Variants in SHISA9 observed in about 807,000 individuals in gnomAD.
The protein encoded by SHISA9 is shisa family member 9, also known as protein shisa-9.
In SHISA9, 13 loss-of-function variants were observed where a neutral mutation model predicts 38.0. The observed-to-expected ratio is 0.34, with a 90% confidence interval of 0.22 to 0.54. The LOEUF (loss-of-function observed/expected upper bound fraction) is 0.54. SHISA9 is among the 20% of genes least tolerant of loss of function. SHISA9 has a pLI of 0.91. For synonymous variants in SHISA9, 275 were observed against 242.0 expected, an observed-to-expected ratio of 1.14 and a Z score of -1.27; for missense variants, 538 against 575.8, an observed-to-expected ratio of 0.93 and a Z score of 0.67.
At chr16:13,022,363 C>G (rs1029498994) in intron 2 of SHISA9, among the ~76,000 whole-genome samples, 6 of 151,274 alleles carry the variant, frequency 4.0e-5, no homozygotes, top group Non-Finnish European at 8.8e-5. Flanking sequence ...CAGAGTTTCG[C>G]TCTTGTTGCC....
chr16:12,940,258 A>C (rs1186583137), intron 2 of SHISA9, among the ~76,000 whole-genome samples: 1 of 152,140 alleles, frequency 6.6e-6, no homozygotes, highest in Non-Finnish European at 1.5e-5. Flanking sequence ...TCCCTCTTCT[A>C]ACAGCTTATC....
the SHISA9 span, among the ~76,000 whole-genome samples, chr16:13,513,834 T>A: frequency 6.6e-6 from 1 of 152,106 alleles, no homozygotes; most frequent in East Asian, 1.9e-4. Context: ...CAGGGCCTGT[T>A]GTGGCAAAGG....
the SHISA9 span, among the ~76,000 whole-genome samples, chr16:13,414,824 G>C: frequency 4.9e-4 from 74 of 151,842 alleles, no homozygotes; most frequent in African/African-American, 1.4e-3. Flanking sequence ...GTAGAGACAG[G>C]GTTTCACCAT....
intron 2 of SHISA9, among the ~76,000 whole-genome samples, chr16:13,171,022 C>G (rs533966365): frequency 6.6e-6 from 1 of 152,354 alleles, no homozygotes; most frequent in African/African-American, 2.4e-5. Context: ...ATTCACCCTT[C>G]TGCAGGCTGT....
chr16:12,969,787 T>C (rs543201975), intron 2 of SHISA9, among the ~76,000 whole-genome samples: 14 of 152,202 alleles, frequency 9.2e-5, no homozygotes, highest in African/African-American at 3.4e-4. Context: ...CAGTGTGAAG[T>C]GTACACTGGA....
intron 2 of SHISA9, among the ~76,000 whole-genome samples, chr16:13,037,559 A>G (rs2073089564): frequency 6.6e-6 from 1 of 151,478 alleles, no homozygotes; most frequent in Admixed American, 6.6e-5. Context: ...GCAGAGATGA[A>G]CTCTTCTTTG....
chr16:12,966,099 C>A (rs150775563), intron 2 of SHISA9, among the ~76,000 whole-genome samples: 2 of 152,302 alleles, frequency 1.3e-5, no homozygotes, highest in East Asian at 3.9e-4. Flanking sequence ...ATTAGCATTT[C>A]CCAAGTTGTA....
chr16:13,279,255 C>A, the SHISA9 span, among the ~76,000 whole-genome samples: 1 of 151,768 alleles, frequency 6.6e-6, no homozygotes, highest in African/African-American at 2.4e-5. Context: ...TCTGAGAGAG[C>A]GCTTGACATA....
At chr16:13,562,958 C>T in the SHISA9 span, 1 of 151,948 alleles carries the variant, frequency 6.6e-6, no homozygotes, top group Non-Finnish European at 1.5e-5. Flanking sequence ...CTCTGCAGAA[C>T]ACTCGTTTGG....
At chr16:13,138,170 T>A (rs1047159723) in intron 2 of SHISA9, among the ~76,000 whole-genome samples, 1 of 152,178 alleles carries the variant, frequency 6.6e-6, no homozygotes, top group Non-Finnish European at 1.5e-5. Context: ...CTACCTGTGT[T>A]CTGTGGACTA....
At chr16:13,510,977 C>G in the SHISA9 span, among the ~76,000 whole-genome samples, 2 of 152,080 alleles carry the variant, frequency 1.3e-5, no homozygotes, top group African/African-American at 4.8e-5. Flanking sequence ...CTGCTTAGGC[C>G]GATTACCATT....
intron 4 of SHISA9, among the ~76,000 whole-genome samples, chr16:13,215,175 G>T (rs2051156661): frequency 6.6e-6 from 1 of 152,168 alleles, no homozygotes; most frequent in African/African-American, 2.4e-5. Flanking sequence ...GAGACCAATG[G>T]TTCTCACGTT....
chr16:13,406,324 C>T, the SHISA9 span, among the ~76,000 whole-genome samples: 4 of 152,148 alleles, frequency 2.6e-5, no homozygotes, highest in Admixed American at 6.5e-5. Flanking sequence ...AGAATCAGTG[C>T]CAATGTTACT....
chr16:12,995,363 T>A (rs551398901), intron 2 of SHISA9, among the ~76,000 whole-genome samples: 1 of 152,350 alleles, frequency 6.6e-6, no homozygotes, highest in South Asian at 2.1e-4. Context: ...TTCTTGAACT[T>A]TAATGTGATT....
At chr16:13,230,820 T>C (rs2051324816) in intron 4 of SHISA9, among the ~76,000 whole-genome samples, 1 of 152,180 alleles carries the variant, frequency 6.6e-6, no homozygotes, top group Non-Finnish European at 1.5e-5. Context: ...AAGGGGTGGA[T>C]TATTTATGCC....
chr16:13,113,462 A>G (rs1246171166), intron 2 of SHISA9, among the ~76,000 whole-genome samples: 1 of 152,138 alleles, frequency 6.6e-6, no homozygotes, highest in African/African-American at 2.4e-5. Flanking sequence ...TGATCTGTAT[A>G]TCCCGTGATC....
intron 2 of SHISA9, among the ~76,000 whole-genome samples, chr16:13,093,245 G>C (rs1449560380): frequency 2.0e-5 from 3 of 152,144 alleles, no homozygotes; most frequent in Middle Eastern, 3.2e-3. Flanking sequence ...ACTTAGATGA[G>C]AGAAACTTCT....
intron 2 of SHISA9, 80 bp downstream of exon 2, chr16:12,916,895 T>G (rs1238114609): frequency 1.4e-5 from 20 of 1,473,676 alleles, no homozygotes; most frequent in Non-Finnish European, 1.8e-5. Flanking sequence ...TCGTGGAGTG[T>G]GCTTGGGTTA....
the SHISA9 span, among the ~76,000 whole-genome samples, chr16:13,398,765 G>T: frequency 6.6e-6 from 1 of 152,006 alleles, no homozygotes. Flanking sequence ...ACACGCCTTT[G>T]CCTCCCAAAA....
Sources: gnomAD v4.1 joint callset for allele counts (sites outside exome capture counted in the v4.1 genomes callset) on GRCh38, gnomAD v4.1.1 for gene constraint, MANE v1.5 for transcripts, NCBI Gene and HGNC (gene_info 2026-07-23, HGNC 2026-07-21) for gene names.